Variants in PTCH1 observed in about 807,000 individuals in gnomAD.
The protein encoded by PTCH1 is protein patched homolog 1.
Under a neutral mutation model 144.6 loss-of-function variants are expected in PTCH1, and 14 were observed. The observed-to-expected ratio is 0.10, with a 90% confidence interval of 0.06 to 0.15. The LOEUF (loss-of-function observed/expected upper bound fraction) is 0.15, where lower values mean the gene tolerates loss of function less well. Among genes scored for constraint, PTCH1 ranks in the 10% least tolerant of loss-of-function variants. The pLI, the probability that PTCH1 is intolerant of heterozygous loss-of-function variation, is 1.00. For synonymous variants in PTCH1, 833 were observed against 793.6 expected (o/e 1.05, Z -0.83); for missense variants, 1,623 against 1,948.3 (o/e 0.83, Z 3.14).
At chr9:95,516,592 T>C in exon 1 of PTCH1, 1 of 1,592,464 alleles carries the variant, frequency 6.3e-7, no homozygotes, top group Non-Finnish European at 8.5e-7. Context: ...CTCCTCCGTC[T>C]TCTCCCAGTC....
chr9:95,483,189 C>T (rs1234004140), intron 3 of PTCH1: 1 of 151,786 alleles, frequency 6.6e-6, no homozygotes, highest in Non-Finnish European at 1.5e-5. Flanking sequence ...ATCACTTGAG[C>T]CCAGGAGTTC....
intron 14 of PTCH1, 64 bp from the exon 15 acceptor site, chr9:95,467,489 G>T (rs1418110320): frequency 2.0e-6 from 3 of 1,531,112 alleles, no homozygotes; most frequent in Non-Finnish European, 2.7e-6. Context: ...TGGACAAAGA[G>T]AAGCTGTCTA....
In PTCH1 at chr9:95,447,078, G is replaced by C. The variant is rs1368334005; in HGVS notation, c.4178C>G (p.Pro1393Arg). 6.2e-7 allele frequency: 1 copy of C among 1,613,914 alleles called. No individual in the cohort carries two copies. Among genetic ancestry groups the C allele is most frequent in the Non-Finnish European group, 8.5e-7 (1 of 1,180,044 alleles). The stretch of plus-strand genomic sequence containing the variant: ...GTAGCCTGGGCAGAGTCCCCCTCGG[G>C]GGTTCCGCCCAGGCCCAGGGACAGG... The part of the protein sequence containing the change: ...PPPVPGPGRN[P>R]RGGLCPGYPE... Residue 1393 changes from proline (P) to arginine (R), a missense_variant, in exon 23 of 24, where the codon CCC becomes CGC. Coordinates refer to ENST00000331920, the MANE Select transcript of PTCH1 (RefSeq NM_000264.5).
At position 95,468,848 on chromosome 9, in the gene PTCH1, G is replaced by T. The variant is rs2118032855; in HGVS notation, c.2153C>A (p.Ser718Tyr). The T allele has an allele frequency of 6.2e-7, 1 of 1,614,190 alleles. No homozygotes were observed. The change falls in exon 14 of 24, where the codon TCC (serine) becomes TAC (tyrosine). Residue 718 changes from serine (S) to tyrosine (Y), a missense_variant. Around this residue, in one of 7 missense-constraint regions of PTCH1, gnomAD observed 179 missense variants for 165.7 expected, o/e 1.08. Transcript: ENST00000331920. ...GGGGGGCTCGAGGCAGTGGAGGCTG[G>T]AGTCGGAGAACTGGGAGAGCAGGTC... ...TRDLLSQFSD[S>Y]SLHCLEPPCT...
chr9:95,502,980 C>A (rs751955610), intron 2 of PTCH1, among the ~76,000 whole-genome samples: 8 of 152,166 alleles, frequency 5.3e-5, no homozygotes, highest in Non-Finnish European at 1.0e-4. Context: ...AATGTGCATA[C>A]ACACACACGC....
rs370936145 is a variant in PTCH1, at chr9:95,456,387, G to C, written c.3195C>G (p.Val1065=). The C allele has an allele frequency of 6.2e-7, 1 of 1,614,000 alleles. No individual in the cohort carries two copies. Among genetic ancestry groups the C allele is most frequent in the Non-Finnish European group, 8.5e-7 (1 of 1,180,028 alleles). Residue 1065 remains valine (V), a synonymous_variant, in exon 19 of 24, where the codon GTC becomes GTG. Transcript: ENST00000331920. ...TGAGGCCCATCATGCCGAACAGCTC[G>C]ACCGTCATCAGCGCCAGGACCATCA... ...IIVMVLALMT[V]ELFGMMGLIG...
chr9:95,482,727 C>G (rs1833417798), intron 3 of PTCH1: 2 of 190,102 alleles, frequency 1.1e-5, no homozygotes, highest in South Asian at 2.0e-4. Flanking sequence ...TCTAACTTCA[C>G]AGTCTCTTCT....
intron 2 of PTCH1, among the ~76,000 whole-genome samples, chr9:95,492,315 G>A (rs1469862105): frequency 2.0e-5 from 3 of 151,948 alleles, no homozygotes; most frequent in Non-Finnish European, 4.4e-5. Flanking sequence ...GGAATGTCGT[G>A]GTTTTTTTAC....
chr9:95,494,403 T>C (rs760676815), intron 2 of PTCH1: 82 of 985,344 alleles, frequency 8.3e-5, no homozygotes, highest in Non-Finnish European at 8.9e-5. Context: ...CCCTTCTTCA[T>C]TGGTTACTTG....
At chr9:95,456,591 A>C (rs1369727953) in intron 18 of PTCH1, among the ~76,000 whole-genome samples, 178 bp from the exon 19 acceptor site, 1 of 152,208 alleles carries the variant, frequency 6.6e-6, no homozygotes. Flanking sequence ...CTGGGAAGGG[A>C]GACTGTGGGA....
chr9:95,473,306 A>G (rs751373618), intron 12 of PTCH1, among the ~76,000 whole-genome samples: 20 of 152,234 alleles, frequency 1.3e-4, no homozygotes, highest in Non-Finnish European at 2.9e-5. Flanking sequence ...CAGGTTTACT[A>G]TTGGACAGAA....
At chr9:95,506,167 C>G (rs932172478) in intron 2 of PTCH1, 1 of 351,686 alleles carries the variant, frequency 2.8e-6, no homozygotes, top group Non-Finnish European at 5.0e-6. Context: ...CCCCGTCCCG[C>G]CCCCGCCGCT....
intron 6 of PTCH1, 142 bp from the exon 7 acceptor site, chr9:95,480,232 C>A (rs1841421962): frequency 1.3e-6 from 2 of 1,526,624 alleles, no homozygotes; most frequent in Non-Finnish European, 9.0e-7. Flanking sequence ...GCAAATCTTA[C>A]AGCAAAATTT....
intron 14 of PTCH1, among the ~76,000 whole-genome samples, chr9:95,467,718 C>T: frequency 6.6e-6 from 1 of 152,132 alleles, no homozygotes; most frequent in Non-Finnish European, 1.5e-5. Context: ...ATTCTCGTGC[C>T]TCAGCCTCCC....
chr9:95,478,333 G>C (rs1841253079), intron 8 of PTCH1, 147 bp from the exon 9 acceptor site: 1 of 1,280,664 alleles, frequency 7.8e-7, no homozygotes, highest in Non-Finnish European at 1.1e-6. Flanking sequence ...AGGGCAGGGA[G>C]AGAAGCTGAA....
chr9:95,450,293 G>A, intron 20 of PTCH1: 1 of 351,880 alleles, frequency 2.8e-6, no homozygotes, highest in Non-Finnish European at 5.4e-6. Context: ...TGGGCAGACT[G>A]AAAGCACAAA....
intron 2 of PTCH1, among the ~76,000 whole-genome samples, chr9:95,503,598 G>C (rs894494309): frequency 6.6e-6 from 1 of 152,212 alleles, no homozygotes. Context: ...CAGGGCAACA[G>C]AACAAGTGAC....
intron 18 of PTCH1, among the ~76,000 whole-genome samples, chr9:95,457,708 A>C (rs779075895): frequency 6.6e-5 from 10 of 152,186 alleles, no homozygotes; most frequent in Non-Finnish European, 1.5e-4. Context: ...TAAAGAAAAA[A>C]TGAGCTAGGC....
exon 1 of PTCH1, chr9:95,516,721 G>A (rs1397701784): frequency 6.2e-7 from 1 of 1,612,946 alleles, no homozygotes; most frequent in Non-Finnish European, 8.5e-7. Flanking sequence ...CAAAAGGAAC[G>A]GAAAGTGTAA....
Sources: allele counts gnomAD v4.1 joint callset (sites outside exome capture counted in the v4.1 genomes callset), GRCh38; gene constraint gnomAD v4.1.1; regional missense constraint gnomAD v4.1.1; transcripts MANE v1.5; gene names NCBI Gene and HGNC (gene_info 2026-07-23, HGNC 2026-07-21).